IL1RAPL1: variants seen among roughly 807,000 people sequenced by gnomAD.
IL1RAPL1 encodes interleukin 1 receptor accessory protein like 1.
Under a neutral mutation model 48.4 loss-of-function variants are expected in IL1RAPL1, and 3 were observed. The ratio of observed to expected loss-of-function variants is 0.06; its 90% CI spans 0.03 to 0.16. IL1RAPL1 has a LOEUF of 0.16. IL1RAPL1 is among the 10% of genes least tolerant of loss of function. The pLI is 1.00. For missense variants in IL1RAPL1, 349 were observed against 530.6 expected (o/e 0.66, Z 3.36); for synonymous variants, 185 against 187.7 (o/e 0.99, Z 0.12).
intron 6 of IL1RAPL1, among the ~76,000 whole-genome samples, chrX:29,756,979 C>A (rs1246848231): frequency 9.0e-6 from 1 of 111,128 alleles, no homozygotes; most frequent in East Asian, 2.8e-4. Flanking sequence ...CAAGGAATGC[C>A]AAGGATTGCT....
intron 2 of IL1RAPL1, among the ~76,000 whole-genome samples, chrX:29,162,009 A>G: frequency 8.9e-6 from 1 of 112,314 alleles, no homozygotes; most frequent in East Asian, 2.8e-4. Context: ...CATATACACT[A>G]TGGAATACTA....
intron 2 of IL1RAPL1, among the ~76,000 whole-genome samples, chrX:29,134,309 C>T (rs1929081665): frequency 8.9e-6 from 1 of 111,751 alleles, no homozygotes; most frequent in Non-Finnish European, 1.9e-5. Flanking sequence ...ATTTGTTTCA[C>T]ACCAGCAATG....
intron 2 of IL1RAPL1, among the ~76,000 whole-genome samples, chrX:29,052,674 T>TA (rs1184351780): frequency 1.8e-5 from 2 of 109,228 alleles, no homozygotes; most frequent in Admixed American, 9.9e-5. Context: ...ATTTATCTTT[T>TA]AAAAAAATTT....
intron 6 of IL1RAPL1, among the ~76,000 whole-genome samples, chrX:29,774,939 G>C (rs1442140726): frequency 8.9e-6 from 1 of 112,378 alleles, no homozygotes; most frequent in Non-Finnish European, 1.9e-5. Flanking sequence ...TACACATGAA[G>C]TACTGTGCTT....
rs201743151 is a variant in IL1RAPL1 at position 29,367,550 on chromosome X, ATT to A, written c.363-28704_363-28703del. Reference sequence around the variant, plus strand: ...AGGTAGAGCAAAAGGGCTTCTATTTATTTTTATTTATTTATTTATTTATTTAT... The same window carrying A: ...AGGTAGAGCAAAAGGGCTTCTATTTATTTATTTATTTATTTATTTATTTAT... On this transcript the variant is annotated intron_variant, in intron 3 of 10. Transcript: ENST00000378993. 8.4e-3 allele frequency among the ~76,000 whole-genome samples: 768 copies of A among 91,398 alleles called. 4 individuals carry two copies. The highest frequency in any genetic ancestry group is 0.012 in the Admixed American group (98 of 8,110). 79.4% of individuals were successfully genotyped at this position (91,398 alleles called of 115,157 possible). A position where few individuals can be genotyped will look rare whatever the true frequency, so the allele number is the denominator to read the frequency against.
At chrX:28,631,159 C>T (rs1934396330) in intron 1 of IL1RAPL1, among the ~76,000 whole-genome samples, 1 of 111,712 alleles carries the variant, frequency 9.0e-6, no homozygotes, top group South Asian at 3.8e-4. Context: ...GGCTTGTCTG[C>T]CACAGATACC....
At chrX:28,717,896 A>G (rs765195255) in intron 1 of IL1RAPL1, among the ~76,000 whole-genome samples, 2 of 111,618 alleles carry the variant, frequency 1.8e-5, no homozygotes, top group Non-Finnish European at 3.8e-5. Flanking sequence ...AAAATAATCT[A>G]ATGTAGTATT....
chrX:29,069,954 A>G (rs1222618093), intron 2 of IL1RAPL1, among the ~76,000 whole-genome samples: 1 of 111,388 alleles, frequency 9.0e-6, no homozygotes, highest in East Asian at 2.8e-4. Flanking sequence ...TTGCTCAAGA[A>G]TAGATCACCC....
intron 1 of IL1RAPL1, among the ~76,000 whole-genome samples, chrX:28,757,695 G>A (rs1936120363): frequency 8.9e-6 from 1 of 111,896 alleles, no homozygotes; most frequent in African/African-American, 3.3e-5. Flanking sequence ...CATGGAGAGA[G>A]GCTCCTATTT....
intron 5 of IL1RAPL1, among the ~76,000 whole-genome samples, chrX:29,444,767 A>G (rs1414303158): frequency 2.7e-5 from 3 of 112,090 alleles, no homozygotes; most frequent in African/African-American, 9.7e-5. Context: ...GGTTGAGGAA[A>G]GTATATAAAT....
intron 5 of IL1RAPL1, among the ~76,000 whole-genome samples, chrX:29,545,215 CTATCTATCTATCTATCTATCTATCTATT>C (rs1921585003): frequency 9.2e-6 from 1 of 108,865 alleles, no homozygotes; most frequent in Non-Finnish European, 1.9e-5. Context: ...ATCTATCTAT[CTATCTATCTATCTATCTATCTATCTATT>C]GGACAACAAA....
intron 2 of IL1RAPL1, among the ~76,000 whole-genome samples, chrX:29,262,203 C>T (rs1019122087): frequency 6.2e-4 from 70 of 112,332 alleles, no homozygotes; most frequent in African/African-American, 2.0e-3. Context: ...ATTCTCAATA[C>T]ATTGTAGTTA....
At chrX:29,642,215 T>C (rs756838271) in intron 5 of IL1RAPL1, among the ~76,000 whole-genome samples, 2 of 112,461 alleles carry the variant, frequency 1.8e-5, no homozygotes, top group Non-Finnish European at 3.7e-5. Context: ...CCTTGTCTTA[T>C]ATTTCAATGA....
At chrX:28,723,299 A>G (rs1324928686) in intron 1 of IL1RAPL1, among the ~76,000 whole-genome samples, 1 of 110,889 alleles carries the variant, frequency 9.0e-6, no homozygotes, top group Non-Finnish European at 1.9e-5. Context: ...CAGGGATTCA[A>G]CTTCTTCCTG....
chrX:28,800,669 A>C (rs914417616), intron 2 of IL1RAPL1, among the ~76,000 whole-genome samples: 3 of 110,567 alleles, frequency 2.7e-5, no homozygotes, highest in Non-Finnish European at 3.8e-5. Context: ...TGAAAGAATG[A>C]TCATGTTACA....
chrX:29,428,617 AC>A (rs910680820), intron 5 of IL1RAPL1, among the ~76,000 whole-genome samples: 1 of 111,609 alleles, frequency 9.0e-6, no homozygotes, highest in African/African-American at 3.3e-5. Flanking sequence ...GACTATACTG[AC>A]TTTTTTGTAT....
intron 1 of IL1RAPL1, among the ~76,000 whole-genome samples, chrX:28,656,190 T>A (rs747711109): frequency 9.0e-6 from 1 of 111,437 alleles, no homozygotes; most frequent in African/African-American, 3.3e-5. Context: ...CCCTTGCTAT[T>A]GCTTTTCCAT....
intron 5 of IL1RAPL1, among the ~76,000 whole-genome samples, chrX:29,405,367 TA>T (rs1458868150): frequency 4.0e-5 from 4 of 100,721 alleles, no homozygotes; most frequent in African/African-American, 1.8e-4. Flanking sequence ...GTTCTTTATT[TA>T]TTTATTTATT....
intron 2 of IL1RAPL1, among the ~76,000 whole-genome samples, chrX:28,816,823 G>T (rs939045557): frequency 1.8e-5 from 2 of 110,444 alleles, no homozygotes; most frequent in East Asian, 5.7e-4. Context: ...TCCACAAGCT[G>T]CTTTCCACAG....
Sources: allele counts gnomAD v4.1 joint callset (sites outside exome capture counted in the v4.1 genomes callset), GRCh38; gene constraint gnomAD v4.1.1; transcripts MANE v1.5; gene names NCBI Gene and HGNC (gene_info 2026-07-23, HGNC 2026-07-21).